Variants in CSN3 observed in about 807,000 individuals in gnomAD.
CSN3 encodes casein kappa, also known as kappa-casein.
In CSN3, 7 loss-of-function variants were observed where a neutral mutation model predicts 9.9. That is an observed-to-expected ratio of 0.71 (90% CI 0.40 to 1.33). CSN3 has a LOEUF of 1.33. CSN3 is among the 40% of genes most tolerant of loss of function. The pLI is 0.01. For synonymous variants in CSN3, 88 were observed against 82.3 expected (o/e 1.07, Z -0.37); for missense variants, 253 against 227.9 (o/e 1.11, Z -0.71).
upstream of CSN3, among the ~76,000 whole-genome samples, chr4:70,240,373 T>G (rs1730249062): frequency 6.6e-6 from 1 of 151,954 alleles, no homozygotes; most frequent in Non-Finnish European, 1.5e-5. Context: ...GCAGCTGGAC[T>G]GAAAAGCCCT....
At chr4:70,240,582 G>A (rs184119383), upstream of CSN3, among the ~76,000 whole-genome samples, 3 of 151,972 alleles carry the variant, frequency 2.0e-5, no homozygotes, top group Admixed American at 6.6e-5. Context: ...CTTTTCTTTC[G>A]AAAACGCAAG....
chr4:70,250,153 A>G lies in CSN3; in HGVS notation c.*34+660A>G, dbSNP rs185720508. Among the ~76,000 whole-genome samples, 1,013 of 152,344 alleles carry G rather than the reference A, an allele frequency of 6.6e-3. 6 individuals carry two copies. The highest frequency in any genetic ancestry group is 0.023 in the African/African-American group (975 of 41,586). On this transcript the variant is annotated intron_variant, in intron 4 of 4. Transcript: ENST00000304954. ...AGTGTTACTATTTATTACTTGGACC[A>G]ATGGATAATGGCAGAATATAAAATA... is the stretch of plus-strand genomic sequence containing the variant.
chr4:70,246,732 C>T (rs1410520379), intron 2 of CSN3, among the ~76,000 whole-genome samples: 2 of 144,448 alleles, frequency 1.4e-5, no homozygotes, highest in African/African-American at 5.1e-5. Context: ...AGTGCAGTGG[C>T]ACAATCTTGG....
chr4:70,244,815 C>T, exon 2 of CSN3: 1 of 1,526,272 alleles, frequency 6.6e-7, no homozygotes, highest in Non-Finnish European at 8.8e-7. Context: ...TCTTTAGGTG[C>T]AATAATGAAG....
upstream of CSN3, among the ~76,000 whole-genome samples, chr4:70,241,685 A>T (rs1279949942): frequency 1.3e-5 from 2 of 152,040 alleles, no homozygotes; most frequent in Non-Finnish European, 2.9e-5. Flanking sequence ...TCTAAGTCAA[A>T]ATGACTTTCC....
upstream of CSN3, among the ~76,000 whole-genome samples, chr4:70,241,038 C>G (rs1171173015): frequency 6.6e-6 from 1 of 152,032 alleles, no homozygotes; most frequent in African/African-American, 2.4e-5. Flanking sequence ...TTCTGAGTCT[C>G]TGCTACTTGT....
At chr4:70,245,036 G>A (rs41292337) in intron 2 of CSN3, among the ~76,000 whole-genome samples, 163 bp downstream of exon 2, 17,242 of 151,878 alleles carry the variant, frequency 0.11, 1,285 homozygotes, top group East Asian at 0.27. Flanking sequence ...TTTCTATTAT[G>A]AAATCAAAGT....
At chr4:70,250,721 C>A (rs183615505) in intron 4 of CSN3, among the ~76,000 whole-genome samples, 341 of 152,170 alleles carry the variant, frequency 2.2e-3, no homozygotes, top group Non-Finnish European at 3.6e-3. Flanking sequence ...ATTATCACAG[C>A]TAGAAATTGC....
At chr4:70,245,414 A>T (rs948268440) in intron 2 of CSN3, among the ~76,000 whole-genome samples, 1 of 152,124 alleles carries the variant, frequency 6.6e-6, no homozygotes, top group Admixed American at 6.6e-5. Context: ...CATTATGTCA[A>T]TTGACTGACC....
chr4:70,250,485 A>C (rs1730461768), intron 4 of CSN3, among the ~76,000 whole-genome samples: 1 of 152,100 alleles, frequency 6.6e-6, no homozygotes, highest in South Asian at 2.1e-4. Context: ...TATAAGACTC[A>C]AGAGAGAATG....
intron 2 of CSN3, 61 bp from the exon 3 acceptor site, chr4:70,247,757 A>T: frequency 7.6e-7 from 1 of 1,324,180 alleles, no homozygotes; most frequent in Non-Finnish European, 1.1e-6. Context: ...TAACTGATTT[A>T]AGTACTTTTT....
intron 3 of CSN3, among the ~76,000 whole-genome samples, chr4:70,248,552 A>C (rs949115333): frequency 6.6e-6 from 1 of 152,158 alleles, no homozygotes; most frequent in Non-Finnish European, 1.5e-5. Context: ...ATAAAATTTG[A>C]GACCAATTAC....
At chr4:70,246,874 G>A (rs1730388460) in intron 2 of CSN3, among the ~76,000 whole-genome samples, 1 of 152,022 alleles carries the variant, frequency 6.6e-6, no homozygotes, top group African/African-American at 2.4e-5. Context: ...GTTTCACCAT[G>A]TTGGCCAGGC....
At chr4:70,240,730 T>C (rs1578251708), upstream of CSN3, among the ~76,000 whole-genome samples, 1 of 152,010 alleles carries the variant, frequency 6.6e-6, no homozygotes, top group Non-Finnish European at 1.5e-5. Context: ...TTTTAGACTA[T>C]GAGGTCCACA....
At chr4:70,244,721 T>A in intron 1 of CSN3, 91 bp from the exon 2 acceptor site, 1 of 633,154 alleles carries the variant, frequency 1.6e-6, no homozygotes, top group Non-Finnish European at 2.3e-6. Context: ...CTGGCTTTTT[T>A]TCTTAATCAA....
chr4:70,247,658 G>A (rs925149852), intron 2 of CSN3, among the ~76,000 whole-genome samples, 160 bp from the exon 3 acceptor site: 1 of 151,842 alleles, frequency 6.6e-6, no homozygotes, highest in Non-Finnish European at 1.5e-5. Flanking sequence ...TGCTTCTTAA[G>A]TAGTCCATAG....
At position 70,244,880 on chromosome 4, in the gene CSN3, T is replaced by G; in HGVS notation, c.54+7T>G. The G allele has an allele frequency of 6.4e-7, 1 of 1,556,188 alleles. No homozygotes were observed. Among genetic ancestry groups the G allele is most frequent in the South Asian group, 1.3e-5 (1 of 78,182 alleles). On this transcript the variant is annotated splice_region_variant and intron_variant, in intron 2 of 4. Transcript: ENST00000304954. ...ATTAACCCTGCCTTTTTTGGTAAGT[T>G]AATTTCATCTAACCAGATTGTACTG... is the stretch of plus-strand genomic sequence containing the variant.
At chr4:70,248,606 G>C (rs559217611) in intron 3 of CSN3, among the ~76,000 whole-genome samples, 1 of 152,044 alleles carries the variant, frequency 6.6e-6, no homozygotes, top group Non-Finnish European at 1.5e-5. Flanking sequence ...GCCATTCTGT[G>C]TGTGTCTGCA....
chr4:70,241,657 T>C (rs955166192), upstream of CSN3, among the ~76,000 whole-genome samples: 1 of 152,006 alleles, frequency 6.6e-6, no homozygotes, highest in African/African-American at 2.4e-5. Flanking sequence ...TCAATGTCAG[T>C]GGGTTTGTGA....
Sources: gnomAD v4.1 joint callset for allele counts (sites outside exome capture counted in the v4.1 genomes callset) on GRCh38, gnomAD v4.1.1 for gene constraint, MANE v1.5 for transcripts, NCBI Gene and HGNC (gene_info 2026-07-23, HGNC 2026-07-21) for gene names.